Variants in MAST4 observed in about 807,000 individuals in gnomAD.
MAST4 encodes microtubule associated serine/threonine kinase family member 4.
In MAST4, 89 loss-of-function variants were observed where a neutral mutation model predicts 162.7. That is an observed-to-expected ratio of 0.55 (90% CI 0.46 to 0.65). The LOEUF is 0.65. Among genes scored for constraint, MAST4 ranks in the 30% least tolerant of loss-of-function variants. The pLI is 0.00. For missense variants in MAST4, 3,153 were observed against 3,374.0 expected (o/e 0.93, Z 1.62); for synonymous variants, 1,479 against 1,361.1 (o/e 1.09, Z -1.91).
intron 4 of MAST4, chr5:66,930,640 T>G (rs756787602): frequency 8.9e-6 from 4 of 449,812 alleles, no homozygotes; most frequent in Non-Finnish European, 1.8e-5. Flanking sequence ...AATAAAAACT[T>G]CCCTGACAAT....
At chr5:66,845,118 TATATATATAC>T (rs1272439513) in intron 3 of MAST4, among the ~76,000 whole-genome samples, 27 of 129,744 alleles carry the variant, frequency 2.1e-4, no homozygotes, top group Non-Finnish European at 3.9e-4. Flanking sequence ...TATATATATA[TATATATATAC>T]ACACACACAC....
intron 3 of MAST4, among the ~76,000 whole-genome samples, chr5:66,861,336 T>G (rs892704542): frequency 1.3e-5 from 2 of 152,234 alleles, no homozygotes; most frequent in African/African-American, 4.8e-5. Flanking sequence ...GCTGAGAGCC[T>G]TCTTTGTGCC....
chr5:66,878,067 C>A (rs1361862278), intron 3 of MAST4, among the ~76,000 whole-genome samples: 1 of 152,212 alleles, frequency 6.6e-6, no homozygotes, highest in Non-Finnish European at 1.5e-5. Flanking sequence ...AATTTAAAGG[C>A]AGCCTCCTGT....
intron 1 of MAST4, among the ~76,000 whole-genome samples, chr5:66,693,784 A>G (rs369672767): frequency 0.015 from 1,013 of 65,558 alleles, 15 homozygotes; most frequent in African/African-American, 0.12. Flanking sequence ...GGGTGCCTTT[A>G]GAGAGCAAAA....
At chr5:66,701,926 C>A (rs1749803006) in intron 1 of MAST4, among the ~76,000 whole-genome samples, 1 of 152,084 alleles carries the variant, frequency 6.6e-6, no homozygotes, top group Non-Finnish European at 1.5e-5. Context: ...AAATTAAATT[C>A]ATATATAGTT....
chr5:67,104,230 TTTTAAA>T (rs1413602128), intron 9 of MAST4, 130 bp from the exon 10 acceptor site: 2 of 677,846 alleles, frequency 3.0e-6, no homozygotes, highest in African/African-American at 3.6e-5. Context: ...GTGAGGCTTC[TTTTAAA>T]TTTGATTTCT....
chr5:66,904,868 C>T (rs983642668), intron 4 of MAST4, among the ~76,000 whole-genome samples: 12 of 151,676 alleles, frequency 7.9e-5, no homozygotes, highest in African/African-American at 2.9e-4. Context: ...ATCCTGACAC[C>T]CAGGTAGTGA....
chr5:66,698,121 A>G (rs1387220509), intron 1 of MAST4, among the ~76,000 whole-genome samples: 1 of 151,832 alleles, frequency 6.6e-6, no homozygotes, highest in Non-Finnish European at 1.5e-5. Context: ...ACTTTAGAGT[A>G]TGTAGTCTGG....
chr5:66,665,089 C>T (rs555979258), intron 1 of MAST4, among the ~76,000 whole-genome samples: 1 of 152,226 alleles, frequency 6.6e-6, no homozygotes, highest in African/African-American at 2.4e-5. Flanking sequence ...GGTGAGAATT[C>T]CTCAAAACCG....
At chr5:66,841,981 A>G (rs1002688314) in intron 3 of MAST4, among the ~76,000 whole-genome samples, 3 of 152,162 alleles carry the variant, frequency 2.0e-5, no homozygotes, top group African/African-American at 4.8e-5. Context: ...TTACATTACA[A>G]TGAAATAAGA....
chr5:66,692,984 A>ATT (rs10711722), intron 1 of MAST4, among the ~76,000 whole-genome samples: 82 of 133,156 alleles, frequency 6.2e-4, no homozygotes, highest in African/African-American at 2.0e-3. Flanking sequence ...TAAAGTTTGT[A>ATT]TTTTTTTTTT....
intron 3 of MAST4, among the ~76,000 whole-genome samples, chr5:66,818,307 A>G (rs1360065555): frequency 1.3e-5 from 2 of 152,188 alleles, no homozygotes; most frequent in Non-Finnish European, 2.9e-5. Context: ...GCTGCTCATC[A>G]GAGTCTTAGG....
At chr5:66,601,964 C>T (rs1742582669) in intron 1 of MAST4, among the ~76,000 whole-genome samples, 1 of 151,950 alleles carries the variant, frequency 6.6e-6, no homozygotes, top group Non-Finnish European at 1.5e-5. Context: ...TGCGATTGTC[C>T]CTAGTAGCTT....
intron 10 of MAST4, among the ~76,000 whole-genome samples, chr5:67,109,431 T>G (rs1765964958): frequency 6.6e-6 from 1 of 152,138 alleles, no homozygotes; most frequent in Non-Finnish European, 1.5e-5. Context: ...TGAATTTTTA[T>G]GATGAGACTT....
chr5:66,624,742 A>G (rs751268887), intron 1 of MAST4, among the ~76,000 whole-genome samples: 1 of 152,208 alleles, frequency 6.6e-6, no homozygotes, highest in Admixed American at 6.5e-5. Context: ...ATAAACCTAC[A>G]TATTTATGGT....
chr5:66,935,649 G>C (rs1401089687), intron 4 of MAST4, among the ~76,000 whole-genome samples: 6 of 151,372 alleles, frequency 4.0e-5, no homozygotes. Context: ...CTTCTCCATA[G>C]ACTTTTTTCT....
intron 5 of MAST4, among the ~76,000 whole-genome samples, chr5:67,056,862 AT>A (rs112396470): frequency 6.9e-4 from 101 of 146,894 alleles, no homozygotes; most frequent in East Asian, 8.0e-4. Context: ...TGCCCAGCTA[AT>A]TTTTTTTTTT....
In MAST4 at chr5:66,894,668, A is replaced by G. The variant is rs552548428; in HGVS notation, c.643-5283A>G. Among the ~76,000 whole-genome samples, 11 of 152,336 alleles carry G rather than the reference A, an allele frequency of 7.2e-5. No homozygotes were observed. The South Asian group carries it at 1.7e-3, about 23-fold the overall frequency. On this transcript the variant is annotated intron_variant, in intron 3 of 28. Coordinates refer to ENST00000403625, the MANE Select transcript of MAST4 (RefSeq NM_001164664.2). ...AAGATGATGATGGGGAAGTGCATGA[A>G]CTTGAAATTCATTGGTGTCAGGAAA...
chr5:66,684,544 A>G (rs1342573143), intron 1 of MAST4, among the ~76,000 whole-genome samples: 1 of 152,206 alleles, frequency 6.6e-6, no homozygotes, highest in Non-Finnish European at 1.5e-5. Flanking sequence ...TGCATTGTGA[A>G]TGTGGGTAGT....
Sources: gnomAD v4.1 joint callset for allele counts (sites outside exome capture counted in the v4.1 genomes callset) on GRCh38, gnomAD v4.1.1 for gene constraint, MANE v1.5 for transcripts, NCBI Gene and HGNC (gene_info 2026-07-23, HGNC 2026-07-21) for gene names.